Variants in DEDD observed in about 807,000 individuals in gnomAD.
The protein encoded by DEDD is death effector domain-containing protein.
A neutral mutation model predicts 29.2 loss-of-function variants in DEDD; 3 were observed. The ratio of observed to expected loss-of-function variants is 0.10; its 90% CI spans 0.05 to 0.27. The LOEUF is 0.27. DEDD is among the 10% of genes least tolerant of loss of function. The pLI, the probability that DEDD is intolerant of heterozygous loss-of-function variation, is 1.00. For synonymous variants in DEDD, 152 were observed against 161.3 expected, an observed-to-expected ratio of 0.94 and a Z score of 0.44; for missense variants, 261 against 420.5, an observed-to-expected ratio of 0.62 and a Z score of 3.32.
At chr1:161,132,494 G>GCCCCGCCCCGTCCCGCTCGA (rs1553230859) in intron 1 of DEDD, 57 bp downstream of exon 1, 1 of 153,566 alleles carries the variant, frequency 6.5e-6, no homozygotes, top group Non-Finnish European at 1.5e-5. Flanking sequence ...GCCCCGCCCG[G>GCCCCGCCCCGTCCCGCTCGA]CCCCGCCCCG....
Position 161,122,003 on chromosome 1 carries a change from A to G in DEDD, c.*144T>C, listed in dbSNP as rs1571213859. The G allele has an allele frequency of 8.8e-7, 1 of 1,137,612 alleles. No individual in the cohort carries two copies. Among genetic ancestry groups the G allele is most frequent in the East Asian group, 2.4e-5 (1 of 41,248 alleles). 70.5% of individuals were successfully genotyped at this position (1,137,612 alleles called of 1,614,324 possible). A position where few individuals can be genotyped will look rare whatever the true frequency, so the allele number is the denominator to read the frequency against. On this transcript the variant is annotated 3_prime_UTR_variant, in exon 6 of 6. Transcript: ENST00000368006. This position sits in a 1 kb window ranked among gnomAD's most constrained non-coding sequence, Gnocchi z 4.2. ...GGGAGGGGTGGGGAATACCACTTCC[A>G]CTTTCTTTTGTCTTTTTCTTTAAAA...
In DEDD at chr1:161,123,162, G is replaced by C; in HGVS notation, c.493C>G (p.Arg165Gly). The change falls in exon 5 of 6, where the codon CGG becomes GGG. Residue 165 changes from arginine (R) to glycine (G), a missense_variant. Arg to Gly is a moderately radical substitution (Grantham distance 125). Around this residue, in one of 2 missense-constraint regions of DEDD, gnomAD observed 203 missense variants for 268.7 expected, o/e 0.76. Transcript: ENST00000368006. ...AGTGTGGCTCTCCCTCGGGCTGGCC[G>C]CTTGCTACACATCTGAGGACCCGAA... ...PTSGPQMCSKRPARGRATLGS... is the reference protein window; with the variant it reads ...PTSGPQMCSKGPARGRATLGS... 6.2e-7 allele frequency: 1 copy of C among 1,614,160 alleles called. No individual in the cohort carries two copies. The highest frequency in any genetic ancestry group is 8.5e-7 in the Non-Finnish European group (1 of 1,180,034).
chr1:161,130,124 TA>T (rs1179445865), intron 2 of DEDD, among the ~76,000 whole-genome samples: 1 of 152,064 alleles, frequency 6.6e-6, no homozygotes, highest in East Asian at 1.9e-4. Flanking sequence ...ATGAAAGAAA[TA>T]AAAAAGAGTG....
At chr1:161,123,358 G>C in intron 4 of DEDD, 137 bp from the exon 5 acceptor site, 1 of 883,362 alleles carries the variant, frequency 1.1e-6, no homozygotes, top group Non-Finnish European at 1.7e-6. Flanking sequence ...AGACATGTGA[G>C]ACCAGGTGCA....
rs756768540 is a variant in DEDD, at chr1:161,124,367, G to A, written c.96C>T (p.Ile32=). 11 of 1,614,078 alleles carry A rather than the reference G, an allele frequency of 6.8e-6. No individual in the cohort carries two copies. Among genetic ancestry groups the A allele is most frequent in the Admixed American group, 5.0e-5 (3 of 60,010 alleles). Residue 32 remains isoleucine, a synonymous_variant, in exon 3 of 6, where the codon ATC becomes ATT. Transcript: ENST00000368006. Reference sequence around the variant, plus strand: ...CTCTGTGTGTCAGATGAGTGCCCACGATGTCAAACATGCGGTGCAGGCTGT... The same window carrying A: ...CTCTGTGTGTCAGATGAGTGCCCACAATGTCAAACATGCGGTGCAGGCTGT... ...GLYSLHRMFD[I]VGTHLTHRDV... is the part of the protein sequence containing the mutation.
intron 2 of DEDD, 34 bp from the exon 3 acceptor site, chr1:161,124,560 C>T: frequency 6.6e-7 from 1 of 1,507,804 alleles, no homozygotes; most frequent in South Asian, 1.3e-5. Context: ...ATGAGACACT[C>T]AAGGGCAGGA....
Position 161,122,026 on chromosome 1 carries a change from A to T in DEDD, c.*121T>A. 1.0e-5 allele frequency: 8 copies of T among 793,170 alleles called. No homozygotes were observed. The highest frequency in any genetic ancestry group is 2.8e-5 in the South Asian group (1 of 35,356). 49.1% of individuals were successfully genotyped at this position (793,170 alleles called of 1,614,324 possible). On this transcript the variant is annotated 3_prime_UTR_variant, in exon 6 of 6. Coordinates refer to ENST00000368006, the MANE Select transcript of DEDD (RefSeq NM_032998.3). This position sits in a 1 kb window ranked among gnomAD's most constrained non-coding sequence, Gnocchi z 4.2. ...CCACTTTCTTTTGTCTTTTTCTTTA[A>T]AAAAAAAAAAAAAAAGGCAGGGGTG...
chr1:161,122,950 C>T lies in DEDD; in HGVS notation c.580+125G>A. 1.9e-6 allele frequency: 3 copies of T among 1,575,822 alleles called. No homozygotes were observed. Among genetic ancestry groups the T allele is most frequent in the Non-Finnish European group, 1.7e-6 (2 of 1,145,350 alleles). On this transcript the variant is annotated intron_variant, in intron 5 of 5. Transcript: ENST00000368006. This position sits in a 1 kb window ranked among gnomAD's most constrained non-coding sequence, Gnocchi z 4.2. ...TTCCACCAGACACCAAACCATTCAG[C>T]CTCACTTTGCAATGGCAATCAAAGT...
Position 161,123,187 on chromosome 1 carries a change from A to G in DEDD, c.468T>C (p.Thr156=), listed in dbSNP as rs781289830. 6.2e-7 allele frequency: 1 copy of G among 1,614,252 alleles called. No homozygotes were observed. ...PPHYPVVCCP[T]SGPQMCSKRP... ...GCTTGCTACACATCTGAGGACCCGA[A>G]GTGGGGCAACACACCACAGGATAGT... The change falls in exon 5 of 6, where the codon ACT becomes ACC. Residue 156 remains threonine (T), a synonymous_variant. Transcript: ENST00000368006.
Position 161,124,283 on chromosome 1 carries a change from G to A in DEDD, c.180C>T (p.Leu60=), listed in dbSNP as rs1280275463. The A allele has an allele frequency of 3.1e-6, 5 of 1,614,122 alleles. No individual in the cohort carries two copies. The African/African-American group carries it at 4.0e-5, about 13-fold the overall frequency. ...VDVIDDHERG[L]IRNGRDFLLA... The stretch of plus-strand genomic sequence containing the variant: ...ATAAGAAGTCACGTCCATTTCGGAT[G>A]AGTCCACGCTCGTGGTCATCAATGA... The change falls in exon 3 of 6, where the codon CTC becomes CTT. Residue 60 remains leucine (L), a synonymous_variant. Transcript: ENST00000368006.
chr1:161,126,343 CTTTTTTT>C (rs538174697), intron 2 of DEDD, among the ~76,000 whole-genome samples: 2 of 132,504 alleles, frequency 1.5e-5, no homozygotes, highest in South Asian at 2.4e-4. Context: ...ACTCCAAACT[CTTTTTTT>C]TTTTTTTTTT....
Position 161,122,517 on chromosome 1 carries a change from C to CT in DEDD, c.586dup (p.Arg196LysfsTer7). The CT allele has an allele frequency of 6.2e-7, 1 of 1,613,118 alleles. No individual in the cohort carries two copies. Among genetic ancestry groups the CT allele is most frequent in the Non-Finnish European group, 8.5e-7 (1 of 1,179,202 alleles). On this transcript the variant is annotated frameshift_variant, in exon 6 of 6. Coordinates refer to ENST00000368006, the MANE Select transcript of DEDD (RefSeq NM_032998.3). LOFTEE classifies it high-confidence loss of function. The surrounding 1 kb of genome is among the most constrained non-coding windows in gnomAD (Gnocchi z 4.2). ...GCAGTATTCAGCCCGAACCCGCAGT[C>CT]TGATGTCTGTTGGAAACAGAAGATA...
Position 161,121,804 on chromosome 1 carries a change from C to A in DEDD, c.*343G>T. The A allele has an allele frequency of 4.6e-6, 1 of 215,490 alleles. No individual in the cohort carries two copies. Among genetic ancestry groups the A allele is most frequent in the South Asian group, 9.8e-5 (1 of 10,256 alleles). 13.3% of individuals were successfully genotyped at this position (215,490 alleles called of 1,614,324 possible). A position where few individuals can be genotyped will look rare whatever the true frequency, so the allele number is the denominator to read the frequency against. The stretch of plus-strand genomic sequence containing the variant: ...ATAAAGCCAGAAGTATTGATAACTC[C>A]TTAGTGCATCCAAAAAAAAGTGTTC... On this transcript the variant is annotated 3_prime_UTR_variant, in exon 6 of 6. Transcript: ENST00000368006.
chr1:161,131,803 A>T (rs1656689766), intron 1 of DEDD, among the ~76,000 whole-genome samples: 1 of 151,948 alleles, frequency 6.6e-6, no homozygotes, highest in Admixed American at 6.6e-5. Context: ...GCTGCAACTG[A>T]TGCTGCTTAA....
intron 2 of DEDD, among the ~76,000 whole-genome samples, chr1:161,127,175 C>G (rs1168582824): frequency 1.3e-5 from 2 of 152,160 alleles, no homozygotes. Flanking sequence ...TCACCTCAAG[C>G]AATTCCAATT....
rs376181691 is a variant in DEDD, at chr1:161,126,055, C to T, written c.-64-1529G>A. Among the ~76,000 whole-genome samples the T allele has an allele frequency of 3.3e-5, 5 of 152,214 alleles. No individual in the cohort carries two copies. The East Asian group carries it at 7.7e-4, about 23-fold the overall frequency. The stretch of plus-strand genomic sequence containing the variant: ...CTATACTGTGCACTCTCTGGTCACA[C>T]TCTCCAATCACACAATCAATCCTAA... On this transcript the variant is annotated intron_variant, in intron 2 of 5. Transcript: ENST00000368006.
chr1:161,124,597 C>T, intron 2 of DEDD, 71 bp from the exon 3 acceptor site: 1 of 1,447,898 alleles, frequency 6.9e-7, no homozygotes, highest in Non-Finnish European at 9.1e-7. Context: ...CCCATATTCC[C>T]AGTTGCTAAC....
chr1:161,128,461 C>A (rs1000079342), intron 2 of DEDD, among the ~76,000 whole-genome samples: 2 of 152,020 alleles, frequency 1.3e-5, no homozygotes, highest in African/African-American at 4.8e-5. Context: ...ATTAGCCTGG[C>A]GTGGTGGCAT....
intron 2 of DEDD, chr1:161,124,932 C>A: frequency 6.4e-6 from 1 of 156,580 alleles, no homozygotes; most frequent in Non-Finnish European, 1.4e-5. Context: ...CCCATCTCTA[C>A]AAAAAAGAAA....
Sources: allele counts gnomAD v4.1 joint callset (sites outside exome capture counted in the v4.1 genomes callset), GRCh38; gene constraint gnomAD v4.1.1; regional missense constraint gnomAD v4.1.1; non-coding constraint Gnocchi (gnomAD v3.1); transcripts MANE v1.5; gene names NCBI Gene and HGNC (gene_info 2026-07-23, HGNC 2026-07-21).